The following CORO2B variants were observed in gnomAD, a reference collection of about 807,000 sequenced individuals.
CORO2B encodes coronin 2B.
In CORO2B, 26 loss-of-function variants were observed where a neutral mutation model predicts 58.8. The observed-to-expected ratio is 0.44, with a 90% CI of 0.32 to 0.61. The LOEUF (loss-of-function observed/expected upper bound fraction) is 0.61, where lower values mean the gene tolerates loss of function less well. Among genes scored for constraint, CORO2B ranks in the 20% least tolerant of loss-of-function variants. The probability of loss-of-function intolerance (pLI) is 0.04; values close to 1 mark genes in which losing one functional copy is unlikely to be tolerated. For missense variants in CORO2B, 460 were observed against 645.1 expected (o/e 0.71, Z 3.11); for synonymous variants, 242 against 253.8 (o/e 0.95, Z 0.44).
At chr15:68,567,951 G>A in the CORO2B span, among the ~76,000 whole-genome samples, 3 of 152,142 alleles carry the variant, frequency 2.0e-5, no homozygotes, top group South Asian at 2.1e-4. Context: ...CCCAGGAGGC[G>A]GAGGTTGCAG....
At chr15:68,606,672 A>G (rs1900133195) in intron 1 of CORO2B, among the ~76,000 whole-genome samples, 1 of 152,204 alleles carries the variant, frequency 6.6e-6, no homozygotes, top group African/African-American at 2.4e-5. Context: ...GGATGAGGAT[A>G]TTTTGCTAGC....
At chr15:68,712,232 G>T (rs942573459) in intron 5 of CORO2B, among the ~76,000 whole-genome samples, 50 of 152,306 alleles carry the variant, frequency 3.3e-4, no homozygotes, top group African/African-American at 1.2e-3. Context: ...GCTGTGTGCT[G>T]GTCATGGGGA....
rs570873295 is a variant in CORO2B at position 68,588,988 on chromosome 15, C to A, written c.15+9711C>A. 2.0e-4 allele frequency among the ~76,000 whole-genome samples: 31 copies of A among 152,328 alleles called. 1 individual carries two copies. The South Asian group carries it at 6.0e-3, about 30-fold the overall frequency. The stretch of plus-strand genomic sequence containing the variant: ...GATTTCTGCATACCTGAGTGGCCAA[C>A]TGATAACTTTATCATCACAAATCTT... On this transcript the variant is annotated intron_variant, in intron 1 of 11. Coordinates refer to ENST00000261861, the MANE Select transcript of CORO2B (RefSeq NM_006091.5).
chr15:68,637,487 A>G (rs1183350269), intron 1 of CORO2B, among the ~76,000 whole-genome samples: 2 of 151,998 alleles, frequency 1.3e-5, no homozygotes, highest in African/African-American at 4.8e-5. Flanking sequence ...GTGCCATACT[A>G]TTTTCTCTTG....
the CORO2B span, among the ~76,000 whole-genome samples, chr15:68,559,884 T>C: frequency 1.3e-5 from 2 of 152,226 alleles, no homozygotes; most frequent in East Asian, 3.9e-4. This position sits in a 1 kb window ranked among gnomAD's most constrained non-coding sequence, Gnocchi z 4.3. Context: ...GCTCTTGGCA[T>C]GTGTGCCGGT....
At chr15:68,669,798 T>TA (rs56325107) in intron 2 of CORO2B, among the ~76,000 whole-genome samples, 32,590 of 152,100 alleles carry the variant, frequency 0.21, 3,653 homozygotes, top group Non-Finnish European at 0.25. Context: ...GGCTCATGCC[T>TA]ATAATCCCAG....
chr15:68,725,839 C>T lies in CORO2B; in HGVS notation c.1312-4C>T. On this transcript the variant is annotated splice_polypyrimidine_tract_variant and splice_region_variant and intron_variant, in intron 11 of 11. Coordinates refer to ENST00000261861, the MANE Select transcript of CORO2B (RefSeq NM_006091.5). ...CCTTGGCCCCCTCTCTTCCTCCACC[C>T]CAGCTCCTTCGAATGTTCTTCCGGC... is the stretch of plus-strand genomic sequence containing the variant. 1 of 1,613,626 alleles carries T rather than the reference C, an allele frequency of 6.2e-7. No individual in the cohort carries two copies. The highest frequency in any genetic ancestry group is 1.1e-5 in the South Asian group (1 of 91,076).
the CORO2B span, among the ~76,000 whole-genome samples, chr15:68,534,611 T>C: frequency 1.3e-5 from 2 of 152,206 alleles, no homozygotes; most frequent in South Asian, 4.1e-4. Flanking sequence ...ACTTACCCTT[T>C]GAAAACACGC....
intron 3 of CORO2B, among the ~76,000 whole-genome samples, chr15:68,703,459 ATATCT>A (rs1317645770): frequency 6.6e-6 from 1 of 152,108 alleles, no homozygotes; most frequent in Non-Finnish European, 1.5e-5. Context: ...CCCAGAAACC[ATATCT>A]TATACTGTCC....
chr15:68,597,037 C>T (rs1245135414), intron 1 of CORO2B, among the ~76,000 whole-genome samples: 9 of 152,130 alleles, frequency 5.9e-5, no homozygotes, highest in African/African-American at 1.4e-4. Flanking sequence ...AGCCTCACCT[C>T]GAGTCCAACC....
At chr15:68,623,398 C>T (rs1900580133) in intron 1 of CORO2B, among the ~76,000 whole-genome samples, 2 of 152,168 alleles carry the variant, frequency 1.3e-5, no homozygotes, top group Non-Finnish European at 2.9e-5. Context: ...CATGTGGGAG[C>T]CCTGGCAGTG....
chr15:68,532,927 C>G, the CORO2B span, among the ~76,000 whole-genome samples: 7 of 152,338 alleles, frequency 4.6e-5, no homozygotes, highest in African/African-American at 1.7e-4. Context: ...GGGAACTATT[C>G]AACTTTAAAA....
intron 2 of CORO2B, among the ~76,000 whole-genome samples, chr15:68,691,624 C>CAAAAAAAAAA (rs57879519): frequency 4.7e-4 from 12 of 25,750 alleles, no homozygotes; most frequent in Admixed American, 1.1e-3. Context: ...GACTCCGTCT[C>CAAAAAAAAAA]AAAAAAAAAA....
intron 3 of CORO2B, among the ~76,000 whole-genome samples, chr15:68,699,324 T>A (rs550996252): frequency 7.2e-5 from 11 of 151,986 alleles, no homozygotes; most frequent in African/African-American, 2.7e-4. Flanking sequence ...GTGTGGTGCA[T>A]GGGAGACACT....
chr15:68,690,478 GCT>G (rs901665952), intron 2 of CORO2B, among the ~76,000 whole-genome samples: 1 of 152,040 alleles, frequency 6.6e-6, no homozygotes, highest in Non-Finnish European at 1.5e-5. Context: ...CTTTTTTCCA[GCT>G]CTGTCTCCCT....
At chr15:68,714,761 T>A in intron 7 of CORO2B, 98 bp downstream of exon 7, 1 of 910,704 alleles carries the variant, frequency 1.1e-6, no homozygotes, top group Non-Finnish European at 1.7e-6. Context: ...GTAGCCAGCC[T>A]AACCTTCCAA....
chr15:68,713,610 G>A (rs563097084), intron 5 of CORO2B, among the ~76,000 whole-genome samples: 8 of 152,218 alleles, frequency 5.3e-5, no homozygotes, highest in African/African-American at 7.2e-5. Context: ...GCCGGCTCCC[G>A]TGGCTGGTGG....
intron 1 of CORO2B, among the ~76,000 whole-genome samples, chr15:68,594,379 G>A (rs1899776554): frequency 6.6e-6 from 1 of 152,190 alleles, no homozygotes; most frequent in African/African-American, 2.4e-5. Flanking sequence ...ATGGGTAGGT[G>A]GAGGCGCTTT....
chr15:68,631,271 G>A (rs1208310581), intron 1 of CORO2B, among the ~76,000 whole-genome samples: 1 of 152,214 alleles, frequency 6.6e-6, no homozygotes, highest in Non-Finnish European at 1.5e-5. Context: ...GGCATTGTGA[G>A]GAAGACCAAG....
Sources: gnomAD v4.1 joint callset for allele counts (sites outside exome capture counted in the v4.1 genomes callset) on GRCh38, gnomAD v4.1.1 for gene constraint, Gnocchi (gnomAD v3.1) non-coding constraint, MANE v1.5 for transcripts, NCBI Gene and HGNC (gene_info 2026-07-23, HGNC 2026-07-21) for gene names.